CCDC144A: variants seen among roughly 807,000 people sequenced by gnomAD.
CCDC144A encodes coiled-coil domain containing 144A.
CCDC144A carries 41 observed loss-of-function variants against 143.8 expected under a neutral mutation model. That is an observed-to-expected ratio of 0.29 (90% CI 0.22 to 0.37). The LOEUF is 0.37. Among genes scored for constraint, CCDC144A ranks in the 10% least tolerant of loss-of-function variants. The pLI is 1.00. For synonymous variants in CCDC144A, 242 were observed against 517.9 expected, an observed-to-expected ratio of 0.47 and a Z score of 7.23; for missense variants, 637 against 1,488.8, an observed-to-expected ratio of 0.43 and a Z score of 9.41.
chr17:16,749,507 A>T (rs1914688857), intron 12 of CCDC144A, among the ~76,000 whole-genome samples: 2 of 152,192 alleles, frequency 1.3e-5, no homozygotes, highest in African/African-American at 4.8e-5. Flanking sequence ...TTATGGTCAA[A>T]CATGTTGTTG....
intron 12 of CCDC144A, among the ~76,000 whole-genome samples, chr17:16,758,627 A>T (rs1330115431): frequency 6.6e-6 from 1 of 152,236 alleles, no homozygotes; most frequent in African/African-American, 2.4e-5. Flanking sequence ...TTTGGACTTC[A>T]TGGGAACCAT....
rs1475878406 is a variant in CCDC144A at position 16,690,393 on chromosome 17, C to G, written c.-8C>G. 51 of 1,521,752 alleles carry G rather than the reference C, an allele frequency of 3.4e-5. No individual in the cohort carries two copies. Among genetic ancestry groups the G allele is most frequent in the Non-Finnish European group, 4.4e-5 (50 of 1,134,374 alleles). The allele number at this position is 1,521,752 out of a possible 1,614,324, so 94.3% of individuals were successfully genotyped here. ...GGAGGTTGTGGCCGAGGCAGTAGCT[C>G]GCTACTGATGGCCTCCTGGGGTGGA... is the stretch of plus-strand genomic sequence containing the variant. On this transcript the variant is annotated 5_prime_UTR_variant, in exon 1 of 17. Coordinates refer to ENST00000399273, the MANE Select transcript of CCDC144A (RefSeq NM_001382000.1).
Position 16,726,404 on chromosome 17 carries a change from A to G in CCDC144A, c.1892-1123A>G, listed in dbSNP as rs943232715. 3.8e-4 allele frequency among the ~76,000 whole-genome samples: 56 copies of G among 147,020 alleles called. 5 individuals carry two copies. Among genetic ancestry groups the G allele is most frequent in the African/African-American group, 1.4e-3 (53 of 38,540 alleles). ...TCAAAAAAAAAAAAAAAGAGAGATA[A>G]AAAAAAAAGAAAAATCTTCCATGCC... On this transcript the variant is annotated intron_variant, in intron 8 of 16. Coordinates refer to ENST00000399273, the MANE Select transcript of CCDC144A (RefSeq NM_001382000.1).
intron 15 of CCDC144A, among the ~76,000 whole-genome samples, chr17:16,769,645 T>C (rs1250967872): frequency 6.6e-6 from 1 of 152,260 alleles, no homozygotes. Context: ...TTTTCTGTTC[T>C]GCGGTTTGAA....
chr17:16,770,909 T>C (rs1302502822), intron 15 of CCDC144A, among the ~76,000 whole-genome samples: 1 of 152,120 alleles, frequency 6.6e-6, no homozygotes, highest in African/African-American at 2.4e-5. Flanking sequence ...TCATGTTACC[T>C]ACTCTATAAA....
chr17:16,722,662 T>C (rs1913158891), intron 8 of CCDC144A, among the ~76,000 whole-genome samples: 1 of 152,186 alleles, frequency 6.6e-6, no homozygotes, highest in African/African-American at 2.4e-5. Context: ...TCCTTTGCGC[T>C]TCATCTGTTC....
chr17:16,682,400 C>CCTTCATTT, the CCDC144A span, among the ~76,000 whole-genome samples: 1 of 152,058 alleles, frequency 6.6e-6, no homozygotes, highest in South Asian at 2.1e-4. Flanking sequence ...TCCATGTGGA[C>CCTTCATTT]CTTCATTTTG....
intron 2 of CCDC144A, among the ~76,000 whole-genome samples, chr17:16,699,423 G>A: frequency 6.9e-6 from 1 of 143,956 alleles, no homozygotes; most frequent in Non-Finnish European, 1.5e-5. Flanking sequence ...CCACCCAGGC[G>A]GGACTGCAGT....
At chr17:16,704,466 A>G (rs1911930053) in intron 2 of CCDC144A, among the ~76,000 whole-genome samples, 1 of 152,272 alleles carries the variant, frequency 6.6e-6, no homozygotes, top group Admixed American at 6.5e-5. Context: ...AAAAATAAAA[A>G]AAAAAAATTT....
At chr17:16,717,014 C>T (rs1194367537) in intron 6 of CCDC144A, among the ~76,000 whole-genome samples, 3 of 151,314 alleles carry the variant, frequency 2.0e-5, no homozygotes, top group African/African-American at 4.8e-5. Flanking sequence ...GGGGTTTCAC[C>T]GTGGTCTCGA....
At chr17:16,749,413 T>A (rs1207295353) in intron 12 of CCDC144A, among the ~76,000 whole-genome samples, 1 of 152,238 alleles carries the variant, frequency 6.6e-6, no homozygotes, top group Non-Finnish European at 1.5e-5. Flanking sequence ...ATCTTCTTGG[T>A]ATTCATTTCT....
upstream of CCDC144A, among the ~76,000 whole-genome samples, chr17:16,687,229 A>G (rs1213750588): frequency 1.3e-5 from 2 of 152,212 alleles, no homozygotes; most frequent in East Asian, 3.9e-4. Flanking sequence ...TAATTTTTAC[A>G]TGAAAGACAG....
intron 12 of CCDC144A, among the ~76,000 whole-genome samples, chr17:16,755,227 T>G (rs1915021237): frequency 6.6e-6 from 1 of 152,188 alleles, no homozygotes; most frequent in African/African-American, 2.4e-5. Flanking sequence ...ATCATGTATA[T>G]TCAAAGTTTT....
chr17:16,730,571 T>C lies in CCDC144A; in HGVS notation c.2106-1229T>C, dbSNP rs561068960. On this transcript the variant is annotated intron_variant, in intron 9 of 16. Coordinates refer to ENST00000399273, the MANE Select transcript of CCDC144A (RefSeq NM_001382000.1). ...GAATTGCATGGAATCTGTAGATTGCTTTGGTTAATATGATCATTTTCACTA... is the reference window on the plus strand; with the variant it reads ...GAATTGCATGGAATCTGTAGATTGCCTTGGTTAATATGATCATTTTCACTA... Among the ~76,000 whole-genome samples the C allele has an allele frequency of 2.2e-3, 284 of 128,118 alleles. 45 individuals are homozygous for C. Among genetic ancestry groups the C allele is most frequent in the African/African-American group, 9.2e-3 (258 of 27,906 alleles). 84.1% of individuals were successfully genotyped at this position (128,118 alleles called of 152,430 possible).
chr17:16,719,552 G>A (rs916372277), intron 6 of CCDC144A, among the ~76,000 whole-genome samples: 42 of 152,288 alleles, frequency 2.8e-4, no homozygotes, highest in African/African-American at 9.4e-4. Flanking sequence ...TTAGGTTTGA[G>A]TTCTGGGTCT....
rs889044664 is a variant in CCDC144A at position 16,746,250 on chromosome 17, T to C, written c.3372+10607T>C. ...TACTTCTTTCTCTGCAATTTTCTTC[T>C]GTTTATCTGTCTCTCTCTCTCTTTT... is the stretch of plus-strand genomic sequence containing the variant. On this transcript the variant is annotated intron_variant, in intron 12 of 16. Coordinates refer to ENST00000399273, the MANE Select transcript of CCDC144A (RefSeq NM_001382000.1). 7 of 1,327,944 alleles carry C rather than the reference T, an allele frequency of 5.3e-6. No individual in the cohort carries two copies. In the South Asian group the frequency reaches 8.4e-5, roughly 16 times the overall value. The allele number at this position is 1,327,944 out of a possible 1,614,324, so 82.3% of individuals were successfully genotyped here.
intron 12 of CCDC144A, among the ~76,000 whole-genome samples, chr17:16,738,097 A>G (rs1266958259): frequency 6.6e-6 from 1 of 152,140 alleles, no homozygotes; most frequent in Admixed American, 6.5e-5. Flanking sequence ...GAATGGGTAC[A>G]GAATCTGTGT....
chr17:16,768,122 T>C (rs1203925803), intron 15 of CCDC144A, among the ~76,000 whole-genome samples: 1 of 152,260 alleles, frequency 6.6e-6, no homozygotes, highest in Non-Finnish European at 1.5e-5. Context: ...GTTAAAGATC[T>C]AAGTCCTGCA....
chr17:16,680,871 T>C, the CCDC144A span, among the ~76,000 whole-genome samples: 1 of 152,044 alleles, frequency 6.6e-6, no homozygotes, highest in Non-Finnish European at 1.5e-5. Context: ...AACTATATGG[T>C]ATGAAAACCC....
Sources: gnomAD v4.1 joint callset for allele counts (sites outside exome capture counted in the v4.1 genomes callset) on GRCh38, gnomAD v4.1.1 for gene constraint, MANE v1.5 for transcripts, NCBI Gene and HGNC (gene_info 2026-07-23, HGNC 2026-07-21) for gene names.